Variants in BUB3 observed in about 807,000 individuals in gnomAD.
BUB3 encodes mitotic checkpoint protein BUB3.
Under a neutral mutation model 39.9 loss-of-function variants are expected in BUB3, and 22 were observed. The observed-to-expected ratio is 0.55, with a 90% CI of 0.39 to 0.79. The LOEUF (loss-of-function observed/expected upper bound fraction) is 0.79. Among genes scored for constraint, BUB3 ranks in the 30% least tolerant of loss-of-function variants. BUB3 has a pLI of 0.00. For missense variants in BUB3, 303 were observed against 415.4 expected (o/e 0.73, Z 2.35); for synonymous variants, 168 against 155.1 (o/e 1.08, Z -0.62).
In BUB3 at chr10:123,165,264, C is replaced by T. The variant is rs2133572739; in HGVS notation, c.*1429C>T. The T allele has an allele frequency of 1.9e-6, 1 of 516,188 alleles. No individual in the cohort carries two copies. The highest frequency in any genetic ancestry group is 2.9e-5 in the East Asian group (1 of 34,094). 32.0% of individuals were successfully genotyped at this position (516,188 alleles called of 1,614,324 possible). A position where few individuals can be genotyped will look rare whatever the true frequency, so the allele number is the denominator to read the frequency against. On this transcript the variant is annotated 3_prime_UTR_variant, in exon 8 of 8. Coordinates refer to ENST00000368865, the MANE Select transcript of BUB3 (RefSeq NM_004725.4). ...TCTGACGTATTTCCCCTTCTGTCCC[C>T]TAGTAAGCCCAGTTGCTGTATCTGA...
At position 123,164,241 on chromosome 10, in the gene BUB3, T is replaced by C. The variant is rs1844459758; in HGVS notation, c.*406T>C. The C allele has an allele frequency of 1.9e-5, 19 of 990,930 alleles. No individual in the cohort carries two copies. The South Asian group carries it at 5.6e-4, about 29-fold the overall frequency. The allele number at this position is 990,930 out of a possible 1,614,324, so 61.4% of individuals were successfully genotyped here. On this transcript the variant is annotated 3_prime_UTR_variant, in exon 8 of 8. Transcript: ENST00000368865. ...AGCCATTTGTTTCTTTTGCTGGTTA[T>C]AGTTGCTAATTCTAAAGCTGCTTCA... is the stretch of plus-strand genomic sequence containing the variant.
chr10:123,161,072 G>C (rs79132675), intron 5 of BUB3, among the ~76,000 whole-genome samples: 3,436 of 151,932 alleles, frequency 0.023, 90 homozygotes, highest in East Asian at 0.11. Context: ...TAGAGAGGCA[G>C]GGCCCCTCTT....
intron 7 of BUB3, 98 bp downstream of exon 7, chr10:123,162,926 G>A (rs947722283): frequency 2.8e-5 from 32 of 1,126,524 alleles, no homozygotes; most frequent in Non-Finnish European, 3.8e-5. Flanking sequence ...ATGCCTGCTC[G>A]ATATTACAGC....
At chr10:123,157,920 G>T in intron 4 of BUB3, 40 bp downstream of exon 4, 1 of 1,563,420 alleles carries the variant, frequency 6.4e-7, no homozygotes, top group South Asian at 1.2e-5. Flanking sequence ...GATGGTTTTG[G>T]GGTGATTTTT....
chr10:123,157,623 T>G (rs1263846498), intron 3 of BUB3, 106 bp from the exon 4 acceptor site: 1 of 1,352,906 alleles, frequency 7.4e-7, no homozygotes, highest in East Asian at 2.4e-5. Context: ...TGAGGCAAAT[T>G]CATTACAGTT....
In BUB3 at chr10:123,165,964, G is replaced by A. The variant is rs542906500; in HGVS notation, c.*2129G>A. ...AAGAATTAATATAGTATTGTTATAG[G>A]TAACCAAATTATAGTAATGTGGACT... On this transcript the variant is annotated 3_prime_UTR_variant, in exon 8 of 8. Transcript: ENST00000368865. The A allele has an allele frequency of 6.6e-5, 10 of 152,244 alleles. No individual in the cohort carries two copies. The highest frequency in any genetic ancestry group is 2.2e-4 in the African/African-American group (9 of 41,546). 9.4% of individuals were successfully genotyped at this position (152,244 alleles called of 1,614,324 possible). A position where few individuals can be genotyped will look rare whatever the true frequency, so the allele number is the denominator to read the frequency against.
rs1338653455 is a variant in BUB3, at chr10:123,162,221, G to T, written c.577-15G>T. ...TGGAATTTACCATTTTTTTCCTCTG[G>T]TTCTCTCTTGGCAGGGTTATGTATT... On this transcript the variant is annotated splice_polypyrimidine_tract_variant and intron_variant, in intron 5 of 7. Transcript: ENST00000368865. 7 of 1,590,640 alleles carry T rather than the reference G, an allele frequency of 4.4e-6. No homozygotes were observed. Among genetic ancestry groups the T allele is most frequent in the Admixed American group, 3.7e-5 (2 of 53,924 alleles).
chr10:123,155,021 G>A lies in BUB3; in HGVS notation c.104G>A (p.Trp35Ter). 1 of 1,614,160 alleles carries A rather than the reference G, an allele frequency of 6.2e-7. No homozygotes were observed. Among genetic ancestry groups the A allele is most frequent in the Non-Finnish European group, 8.5e-7 (1 of 1,180,032 alleles). The change falls in exon 2 of 8, where the codon TGG becomes TAG. Residue 35 changes from tryptophan to a stop codon, truncating the protein, a stop_gained. Coordinates refer to ENST00000368865, the MANE Select transcript of BUB3 (RefSeq NM_004725.4). LOFTEE classifies it high-confidence loss of function. ...NTSQFLLVSS[W>*]DTSVRLYDVP... is the part of the protein sequence containing the mutation. ...TCCCAGTTCCTGCTTGTCTCCTCCT[G>A]GGACACGTCCGTGCGTCTCTACGAT...
chr10:123,155,253 G>T, intron 2 of BUB3, 141 bp downstream of exon 2: 1 of 970,966 alleles, frequency 1.0e-6, no homozygotes, highest in Non-Finnish European at 1.5e-6. Context: ...AGGAGCATCT[G>T]CCTTGAACCT....
In BUB3 at chr10:123,164,864, A is replaced by G. The variant is rs757657854; in HGVS notation, c.*1029A>G. 6.6e-6 allele frequency: 9 copies of G among 1,360,276 alleles called. No homozygotes were observed. Among genetic ancestry groups the G allele is most frequent in the Non-Finnish European group, 7.6e-6 (8 of 1,057,886 alleles). The allele number at this position is 1,360,276 out of a possible 1,614,324, so 84.3% of individuals were successfully genotyped here. ...TTTTTGTTGTCAAACTTTAAAATTT[A>G]TATTAATTTGCAAATGTATGTCTCT... On this transcript the variant is annotated 3_prime_UTR_variant, in exon 8 of 8. Coordinates refer to ENST00000368865, the MANE Select transcript of BUB3 (RefSeq NM_004725.4).
At chr10:123,160,339 A>G in intron 4 of BUB3, 68 bp from the exon 5 acceptor site, 1 of 1,404,478 alleles carries the variant, frequency 7.1e-7, no homozygotes, top group Non-Finnish European at 9.4e-7. Context: ...GATGGACTTT[A>G]TTTTGGGGCA....
rs542462154 is a variant in BUB3 at position 123,167,750 on chromosome 10, A to G, written c.*3915A>G. On this transcript the variant is annotated 3_prime_UTR_variant, in exon 8 of 8. Coordinates refer to ENST00000368865, the MANE Select transcript of BUB3 (RefSeq NM_004725.4). ...AAATGAAACATACTATCACAATCCT[A>G]TGATATAACTTAAAAATTTCTTTAT... is the stretch of plus-strand genomic sequence containing the variant. 3.3e-5 allele frequency: 5 copies of G among 152,200 alleles called. No homozygotes were observed. The highest frequency in any genetic ancestry group is 2.9e-5 in the Non-Finnish European group (2 of 68,038). The allele number at this position is 152,200 out of a possible 1,614,324, so 9.4% of individuals were successfully genotyped here. A position where few individuals can be genotyped will look rare whatever the true frequency, so the allele number is the denominator to read the frequency against.
chr10:123,162,978 C>T, intron 7 of BUB3, 150 bp downstream of exon 7: 1 of 741,320 alleles, frequency 1.3e-6, no homozygotes. Context: ...TTCTCCCAAG[C>T]TTTCAATATC....
intron 6 of BUB3, 75 bp downstream of exon 6, chr10:123,162,488 A>C: frequency 6.4e-7 from 1 of 1,568,636 alleles, no homozygotes; most frequent in Non-Finnish European, 8.7e-7. Context: ...TTTAGTGAAA[A>C]AAAATCTGTA....
At position 123,168,029 on chromosome 10, in the gene BUB3, G is replaced by A. The variant is rs1171991187; in HGVS notation, c.*4194G>A. 5 of 151,500 alleles carry A rather than the reference G, an allele frequency of 3.3e-5. No homozygotes were observed. The highest frequency in any genetic ancestry group is 5.9e-5 in the Non-Finnish European group (4 of 67,934). 9.4% of individuals were successfully genotyped at this position (151,500 alleles called of 1,614,324 possible). Reference sequence around the variant, plus strand: ...CTGCCCAGGCAGGTCTCGAACTCCTGGGCTCAAGCTATCCTCCCGCCTCTT... The same window carrying A: ...CTGCCCAGGCAGGTCTCGAACTCCTAGGCTCAAGCTATCCTCCCGCCTCTT... On this transcript the variant is annotated 3_prime_UTR_variant, in exon 8 of 8. Coordinates refer to ENST00000368865, the MANE Select transcript of BUB3 (RefSeq NM_004725.4).
At chr10:123,155,574 AACTGAAC>A in intron 2 of BUB3, 77 bp from the exon 3 acceptor site, 1 of 1,331,000 alleles carries the variant, frequency 7.5e-7, no homozygotes, top group Non-Finnish European at 1.1e-6. Context: ...CCCGAGCATA[AACTGAAC>A]ACTTGCTTGT....
At position 123,163,983 on chromosome 10, in the gene BUB3, A is replaced by ATT. The variant is rs75406601; in HGVS notation, c.*158_*159dup. On this transcript the variant is annotated 3_prime_UTR_variant, in exon 8 of 8. Transcript: ENST00000368865. ...AAAATAATGGAAAAGAGGTTTTTGAATTTTTTTTTTTAAATAAACACCTTC... is the reference window on the plus strand; with the variant it reads ...AAAATAATGGAAAAGAGGTTTTTGAATTTTTTTTTTTTTAAATAAACACCTTC... 70 of 1,150,368 alleles carry ATT rather than the reference A, an allele frequency of 6.1e-5. No individual in the cohort carries two copies. The highest frequency in any genetic ancestry group is 6.4e-4 in the Middle Eastern group (2 of 3,124). The allele number at this position is 1,150,368 out of a possible 1,614,324, so 71.3% of individuals were successfully genotyped here.
At chr10:123,156,976 C>G (rs924205560) in intron 3 of BUB3, among the ~76,000 whole-genome samples, 1 of 152,076 alleles carries the variant, frequency 6.6e-6, no homozygotes, top group African/African-American at 2.4e-5. Context: ...AACTCCTGAT[C>G]TCGTGATCCG....
intron 2 of BUB3, 54 bp downstream of exon 2, chr10:123,155,166 C>A: frequency 6.4e-7 from 1 of 1,556,016 alleles, no homozygotes; most frequent in Non-Finnish European, 8.7e-7. Flanking sequence ...CGATTCTCCA[C>A]GTGAGGAGCG....
Sources: allele counts gnomAD v4.1 joint callset (sites outside exome capture counted in the v4.1 genomes callset), GRCh38; gene constraint gnomAD v4.1.1; transcripts MANE v1.5; gene names NCBI Gene and HGNC (gene_info 2026-07-23, HGNC 2026-07-21).